The following NOS1 variants were observed in gnomAD, a reference collection of about 807,000 sequenced individuals.
NOS1 encodes the protein nitric oxide synthase 1.
In NOS1, 51 loss-of-function variants were observed where a neutral mutation model predicts 164.5. The ratio of observed to expected loss-of-function variants is 0.31; its 90% CI spans 0.25 to 0.39. The LOEUF is 0.39. Ranked by LOEUF, NOS1 falls within the 10% of genes least tolerant of loss-of-function variation. NOS1 has a pLI of 1.00. For synonymous variants in NOS1, 719 were observed against 745.8 expected (o/e 0.96, Z 0.59); for missense variants, 1,362 against 1,885.6 (o/e 0.72, Z 5.14).
intron 10 of NOS1, among the ~76,000 whole-genome samples, chr12:117,271,271 C>T (rs561366714): frequency 9.3e-5 from 14 of 150,432 alleles, no homozygotes; most frequent in Middle Eastern, 3.4e-3. Context: ...ACAGTGATAC[C>T]GGTGGCTTTT....
At chr12:117,302,038 C>T (rs2136043598) in intron 3 of NOS1, 1 of 456,700 alleles carries the variant, frequency 2.2e-6, no homozygotes, top group Middle Eastern at 3.3e-4. Context: ...CCTCGTTGAG[C>T]ACCAAAACCC....
chr12:117,256,282 C>CTTTTTTTTTTTTTTT (rs1566042530), intron 16 of NOS1, among the ~76,000 whole-genome samples: 1 of 76,810 alleles, frequency 1.3e-5, no homozygotes, highest in Non-Finnish European at 2.2e-5. Context: ...AAGGGATTTT[C>CTTTTTTTTTTTTTTT]TGTTTTTTTT....
chr12:117,344,899 TGAG>T (rs1324583900), intron 1 of NOS1, among the ~76,000 whole-genome samples: 1 of 152,168 alleles, frequency 6.6e-6, no homozygotes, highest in African/African-American at 2.4e-5. Context: ...ATTTTGGAGA[TGAG>T]GAGCTACAGG....
chr12:117,291,699 A>G (rs1460207462), intron 3 of NOS1, among the ~76,000 whole-genome samples: 1 of 151,658 alleles, frequency 6.6e-6, no homozygotes, highest in Non-Finnish European at 1.5e-5. Flanking sequence ...ATGCCCAGCT[A>G]ATTTCTTATA....
rs1437122200 is a variant in NOS1, at chr12:117,272,702, T to C, written c.1665-143A>G. 5 of 731,398 alleles carry C rather than the reference T, an allele frequency of 6.8e-6. No homozygotes were observed. The highest frequency in any genetic ancestry group is 1.1e-5 in the Non-Finnish European group (5 of 454,832). 45.3% of individuals were successfully genotyped at this position (731,398 alleles called of 1,614,324 possible). The stretch of plus-strand genomic sequence containing the variant: ...GTTCCTGGGCCCTGCTTCAGATCTG[T>C]GGAATTGCAGGTTCTGCAGCTGGGG... On this transcript the variant is annotated intron_variant, in intron 9 of 28. Coordinates refer to ENST00000317775, the MANE Select transcript of NOS1 (RefSeq NM_000620.5). The surrounding 1 kb of genome is among the most constrained non-coding windows in gnomAD (Gnocchi z 4.3).
chr12:117,223,430 T>G (rs1301285958), intron 25 of NOS1, among the ~76,000 whole-genome samples: 1 of 150,418 alleles, frequency 6.6e-6, no homozygotes, highest in African/African-American at 2.4e-5. Flanking sequence ...CCTGGCTAAT[T>G]TTTGTATTTT....
intron 1 of NOS1, among the ~76,000 whole-genome samples, chr12:117,339,700 A>C (rs903043401): frequency 5.9e-5 from 9 of 152,258 alleles, no homozygotes; most frequent in African/African-American, 2.2e-4. Flanking sequence ...CAGGCATTAA[A>C]TAAGCAGGAG....
Position 117,243,118 on chromosome 12 carries a change from T to G in NOS1, c.2962+179A>C, listed in dbSNP as rs572990325. 6.6e-5 allele frequency among the ~76,000 whole-genome samples: 10 copies of G among 152,226 alleles called. No individual in the cohort carries two copies. In the East Asian group the frequency reaches 1.9e-3, roughly 29 times the overall value. On this transcript the variant is annotated intron_variant, in intron 19 of 28. Transcript: ENST00000317775. The surrounding 1 kb of genome is among the most constrained non-coding windows in gnomAD (Gnocchi z 4.3). ...ATTACTAGAGAGAGAGAGGGAAACATTTACCAGCACTTGTTTTACTGAGTG... is the reference window on the plus strand; with the variant it reads ...ATTACTAGAGAGAGAGAGGGAAACAGTTACCAGCACTTGTTTTACTGAGTG...
chr12:117,267,459 C>T (rs530196558), intron 11 of NOS1, among the ~76,000 whole-genome samples: 1 of 151,994 alleles, frequency 6.6e-6, no homozygotes, highest in Non-Finnish European at 1.5e-5. Context: ...CGGTGGTGGG[C>T]ATCTGTAATC....
intron 8 of NOS1, among the ~76,000 whole-genome samples, chr12:117,279,117 GCCTGTAAT>G (rs1873419926): frequency 6.6e-6 from 1 of 151,792 alleles, no homozygotes; most frequent in African/African-American, 2.4e-5. Flanking sequence ...GGTGGCTCAC[GCCTGTAAT>G]CCCAGCACTT....
chr12:117,225,101 G>C lies in NOS1; in HGVS notation c.3741C>G (p.Val1247=), dbSNP rs1000740646. ...TGCCTGGTCCAACGAGGATGCAGGG[G>C]ACTTGGGGGTTCCGGGGCAGGTGGA... The part of the protein sequence containing the change: ...PSFHLPRNPQ[V]PCILVGPGTG... Residue 1247 remains valine (V), a synonymous_variant, in exon 25 of 29, where the codon GTC becomes GTG. Transcript: ENST00000317775. 4 of 1,613,950 alleles carry C rather than the reference G, an allele frequency of 2.5e-6. No individual in the cohort carries two copies. Among genetic ancestry groups the C allele is most frequent in the Non-Finnish European group, 3.4e-6 (4 of 1,179,976 alleles).
At chr12:117,240,341 C>T (rs1310603210) in intron 20 of NOS1, among the ~76,000 whole-genome samples, 3 of 152,184 alleles carry the variant, frequency 2.0e-5, no homozygotes, top group Non-Finnish European at 2.9e-5. Flanking sequence ...CTGTGTTGAT[C>T]ACTTTTATCA....
chr12:117,218,414 T>G (rs1338167635), intron 27 of NOS1, among the ~76,000 whole-genome samples: 1 of 152,034 alleles, frequency 6.6e-6, no homozygotes, highest in Non-Finnish European at 1.5e-5. Context: ...TAGGTTGCCA[T>G]CTGGAAACAC....
rs1956728599 is a variant in NOS1, at chr12:117,222,768, C to T, written c.3922G>A (p.Gly1308Arg). ...GCCGTGTACAGCTCTCTGAAGACCC[C>T]CTTGTTCTTGGCCTGCAGGGTCTCT... ...REETLQAKNK[G>R]VFRELYTAYS... The change falls in exon 26 of 29, where the codon GGG (glycine) becomes AGG (arginine). Residue 1308 changes from glycine (G) to arginine (R), a missense_variant. Gly to Arg is a moderately radical substitution (Grantham distance 125). This residue lies in a region of NOS1 where 737 missense variants were observed against 1,030.3 expected (regional missense o/e 0.72). Transcript: ENST00000317775. 3.7e-6 allele frequency: 6 copies of T among 1,613,738 alleles called. No individual in the cohort carries two copies. Among genetic ancestry groups the T allele is most frequent in the Admixed American group, 3.3e-5 (2 of 59,928 alleles).
rs1956489636 is a variant in NOS1, at chr12:117,209,080, C to G, written c.*6229G>C. On this transcript the variant is annotated 3_prime_UTR_variant, in exon 29 of 29. Coordinates refer to ENST00000317775, the MANE Select transcript of NOS1 (RefSeq NM_000620.5). The stretch of plus-strand genomic sequence containing the variant: ...CCATGCCCCCTCCCCCGGACACCCT[C>G]AAATCCCACTTTGGCAGCAGATAAT... The G allele has an allele frequency of 2.0e-6, 2 of 985,234 alleles. No homozygotes were observed. The highest frequency in any genetic ancestry group is 2.3e-4 in the East Asian group (2 of 8,818). The allele number at this position is 985,234 out of a possible 1,614,324, so 61.0% of individuals were successfully genotyped here.
In NOS1 at chr12:117,253,787, G is replaced by A. The variant is rs1566041268; in HGVS notation, c.2532-33C>T. 4 of 1,486,232 alleles carry A rather than the reference G, an allele frequency of 2.7e-6. No homozygotes were observed. The Admixed American group carries it at 6.7e-5, about 25-fold the overall frequency. The allele number at this position is 1,486,232 out of a possible 1,614,324, so 92.1% of individuals were successfully genotyped here. ...AACCAAAGAGAACCTGTGAGCTCTG[G>A]CCTGGAGCTCCCTCCTGAGGTCAAC... is the stretch of plus-strand genomic sequence containing the variant. On this transcript the variant is annotated intron_variant, in intron 16 of 28. Transcript: ENST00000317775.
chr12:117,277,674 G>C (rs1873296994), intron 9 of NOS1, among the ~76,000 whole-genome samples: 1 of 152,176 alleles, frequency 6.6e-6, no homozygotes, highest in Non-Finnish European at 1.5e-5. Context: ...TGGTGCTTCT[G>C]CTCTTTCAAT....
intron 3 of NOS1, among the ~76,000 whole-genome samples, chr12:117,299,881 T>C (rs548661441): frequency 6.6e-6 from 1 of 152,184 alleles, no homozygotes; most frequent in Admixed American, 6.5e-5. Flanking sequence ...CAGATGTTAC[T>C]GGACAACTTT....
Position 117,280,742 on chromosome 12 carries a change from T to G in NOS1, c.1507A>C (p.Asn503His), listed in dbSNP as rs1158070376. The G allele has an allele frequency of 6.2e-7, 1 of 1,613,948 alleles. No homozygotes were observed. Among genetic ancestry groups the G allele is most frequent in the Non-Finnish European group, 8.5e-7 (1 of 1,180,008 alleles). Residue 503 changes from asparagine to histidine, a missense_variant, in exon 8 of 29, where the codon AAT (asparagine) becomes CAT (histidine). Physicochemically the swap from Asn to His is moderately conservative, Grantham distance 68. Coordinates refer to ENST00000317775, the MANE Select transcript of NOS1 (RefSeq NM_000620.5). ...GCTCGCACCTCTGTGAACTGCACAT[T>G]GGCTGGGTCCCCCAGGGTGGAGCCG... is the stretch of plus-strand genomic sequence containing the variant. Reference protein sequence around the residue: ...PDGSTLGDPANVQFTEICIQQ... With the variant: ...PDGSTLGDPAHVQFTEICIQQ...
Sources: allele counts gnomAD v4.1 joint callset (sites outside exome capture counted in the v4.1 genomes callset), GRCh38; gene constraint gnomAD v4.1.1; regional missense constraint gnomAD v4.1.1; non-coding constraint Gnocchi (gnomAD v3.1); transcripts MANE v1.5; gene names NCBI Gene and HGNC (gene_info 2026-07-23, HGNC 2026-07-21).